COL28A1: variants seen among roughly 807,000 people sequenced by gnomAD.
COL28A1 encodes the protein collagen type XXVIII alpha 1 chain, also known as collagen alpha-1(XXVIII) chain.
In COL28A1, 161 loss-of-function variants were observed where a neutral mutation model predicts 150.2. That is an observed-to-expected ratio of 1.07 (90% CI 0.94 to 1.22). The LOEUF (loss-of-function observed/expected upper bound fraction) is 1.22. COL28A1 is among the 50% of genes most tolerant of loss of function. The pLI, the probability that COL28A1 is intolerant of heterozygous loss-of-function variation, is 0.00. For missense variants in COL28A1, 1,617 were observed against 1,388.3 expected, an observed-to-expected ratio of 1.16 and a Z score of -2.62; for synonymous variants, 552 against 469.7, an observed-to-expected ratio of 1.18 and a Z score of -2.26.
At chr7:7,430,759 T>A (rs1346988171) in intron 25 of COL28A1, among the ~76,000 whole-genome samples, 1 of 152,214 alleles carries the variant, frequency 6.6e-6, no homozygotes, top group African/African-American at 2.4e-5. Context: ...CTATTTTTTT[T>A]AATTTTAGGA....
rs750509334 is a variant in COL28A1, at chr7:7,453,464, T to A, written c.1416A>T (p.Ala472=). Residue 472 remains alanine, a synonymous_variant, in exon 17 of 35, where the codon GCA becomes GCT. Transcript: ENST00000399429. ...CCTTGGAACCAGGTAAGCCCTGTCC[T>A]GCGGGCCCTTGTGGACCAGGTGGAC... ...PIGPPGPQGP[A]GQGLPGSKGE... 1 of 1,298,880 alleles carries A rather than the reference T, an allele frequency of 7.7e-7. No individual in the cohort carries two copies. The highest frequency in any genetic ancestry group is 1.1e-6 in the Non-Finnish European group (1 of 893,778). 80.5% of individuals were successfully genotyped at this position (1,298,880 alleles called of 1,614,324 possible). A position where few individuals can be genotyped will look rare whatever the true frequency, so the allele number is the denominator to read the frequency against.
intron 33 of COL28A1, among the ~76,000 whole-genome samples, chr7:7,369,304 C>T (rs895160925): frequency 6.6e-6 from 1 of 152,196 alleles, no homozygotes; most frequent in African/African-American, 2.4e-5. Context: ...GTTGGCAAAC[C>T]ACTGTGGGCC....
At chr7:7,488,559 A>G (rs188341678) in intron 13 of COL28A1, among the ~76,000 whole-genome samples, 4 of 152,324 alleles carry the variant, frequency 2.6e-5, no homozygotes, top group Admixed American at 2.0e-4. Context: ...GAATAATCAT[A>G]TTTTATTCAC....
In COL28A1 at chr7:7,531,689, G is replaced by C; in HGVS notation, c.340C>G (p.Leu114Val). Residue 114 changes from leucine (L) to valine (V), a missense_variant, in exon 3 of 35, where the codon CTG (leucine) becomes GTG (valine). Coordinates refer to ENST00000399429, the MANE Select transcript of COL28A1 (RefSeq NM_001037763.3). The stretch of plus-strand genomic sequence containing the variant: ...TTGACCTTCTGCTTAAATGTCTGCA[G>C]GTCCTTCCAGGAAGAAAAAGGTGGA... ...IDPPFSSWKD[L>V]QTFKQKVKSM... 6.3e-7 allele frequency: 1 copy of C among 1,590,536 alleles called. No homozygotes were observed. The highest frequency in any genetic ancestry group is 8.6e-7 in the Non-Finnish European group (1 of 1,158,478).
chr7:7,402,850 C>T (rs1158215250), intron 27 of COL28A1, among the ~76,000 whole-genome samples: 1 of 152,148 alleles, frequency 6.6e-6, no homozygotes, highest in Non-Finnish European at 1.5e-5. Context: ...CATAGATGCT[C>T]ATTAATATTT....
At chr7:7,413,088 C>T (rs1449293651) in intron 27 of COL28A1, among the ~76,000 whole-genome samples, 1 of 152,050 alleles carries the variant, frequency 6.6e-6, no homozygotes, top group Non-Finnish European at 1.5e-5. Context: ...TCTGTTAGGC[C>T]TGTGACTGTG....
chr7:7,407,827 T>C (rs1783571502), intron 27 of COL28A1, among the ~76,000 whole-genome samples: 1 of 152,082 alleles, frequency 6.6e-6, no homozygotes, highest in African/African-American at 2.4e-5. Context: ...AAAAACTGAT[T>C]AAAATGTAAA....
chr7:7,482,011 C>T (rs756213469), intron 13 of COL28A1, among the ~76,000 whole-genome samples: 9 of 151,956 alleles, frequency 5.9e-5, no homozygotes, highest in Non-Finnish European at 1.0e-4. Context: ...TAGTGGTAAT[C>T]ACATAAAGAT....
At chr7:7,485,224 G>A (rs1779560755) in intron 13 of COL28A1, among the ~76,000 whole-genome samples, 1 of 151,966 alleles carries the variant, frequency 6.6e-6, no homozygotes, top group African/African-American at 2.4e-5. Flanking sequence ...CACATATATA[G>A]ATATATACAT....
At chr7:7,514,614 T>C (rs1781321012) in intron 8 of COL28A1, among the ~76,000 whole-genome samples, 2 of 152,206 alleles carry the variant, frequency 1.3e-5, no homozygotes, top group African/African-American at 4.8e-5. Flanking sequence ...GTCTAAATAG[T>C]TGAAAGTTAT....
chr7:7,492,625 TGACCAATTGCGAAA>T (rs1431632322), intron 11 of COL28A1, among the ~76,000 whole-genome samples: 2 of 146,360 alleles, frequency 1.4e-5, no homozygotes, highest in Non-Finnish European at 3.0e-5. Flanking sequence ...CTGTTGACTT[TGACCAATTGCGAAA>T]GAGAACCAGA....
Position 7,532,758 on chromosome 7 carries a change from C to A in COL28A1, c.118G>T (p.Val40Phe). 6.2e-7 allele frequency: 1 copy of A among 1,604,398 alleles called. No homozygotes were observed. Among genetic ancestry groups the A allele is most frequent in the Non-Finnish European group, 8.5e-7 (1 of 1,177,126 alleles). Residue 40 changes from valine (V) to phenylalanine (F), a missense_variant, in exon 2 of 35, where the codon GTC becomes TTC. Coordinates refer to ENST00000399429, the MANE Select transcript of COL28A1 (RefSeq NM_001037763.3). ...ACAATTTTTTTTTTTTTACCCTGGA[C>A]ATCACTTTTCCTTGCAAGCAAATTT... ...KSNLLARKSD[V>F]QGSICFIDIV...
chr7:7,354,365 G>A (rs1243959246), downstream of COL28A1, among the ~76,000 whole-genome samples: 1 of 152,124 alleles, frequency 6.6e-6, no homozygotes, highest in Non-Finnish European at 1.5e-5. Context: ...CAGACCACAG[G>A]AGCAGGTTCA....
intron 27 of COL28A1, among the ~76,000 whole-genome samples, chr7:7,409,876 C>G (rs908329696): frequency 1.1e-4 from 16 of 152,002 alleles, no homozygotes; most frequent in Non-Finnish European, 1.6e-4. Context: ...GAAATATAAG[C>G]CGGTAATAAT....
the COL28A1 span, among the ~76,000 whole-genome samples, chr7:7,350,378 G>C: frequency 8.4e-4 from 128 of 152,238 alleles, no homozygotes; most frequent in African/African-American, 2.9e-3. Context: ...TGGAGAGTGA[G>C]ACAAGACATA....
intron 27 of COL28A1, among the ~76,000 whole-genome samples, chr7:7,398,898 C>T (rs12702612): frequency 0.15 from 23,564 of 152,084 alleles, 2,505 homozygotes; most frequent in African/African-American, 0.3. Flanking sequence ...TTAACTACTC[C>T]GATGCCTCCG....
intron 27 of COL28A1, among the ~76,000 whole-genome samples, chr7:7,392,983 C>A (rs1034664748): frequency 6.6e-6 from 1 of 151,984 alleles, no homozygotes; most frequent in South Asian, 2.1e-4. Flanking sequence ...TCTGTCAATT[C>A]GTTAAATTCA....
chr7:7,486,518 T>G (rs956050004), intron 13 of COL28A1, among the ~76,000 whole-genome samples: 1 of 152,216 alleles, frequency 6.6e-6, no homozygotes, highest in African/African-American at 2.4e-5. Context: ...TTGTTCCTGA[T>G]CTTAGAGGGA....
intron 18 of COL28A1, among the ~76,000 whole-genome samples, chr7:7,449,760 T>C (rs1423633286): frequency 6.6e-6 from 1 of 151,962 alleles, no homozygotes; most frequent in Non-Finnish European, 1.5e-5. Flanking sequence ...AAATTCACAA[T>C]TATAAAAATT....
Sources: allele counts gnomAD v4.1 joint callset (sites outside exome capture counted in the v4.1 genomes callset), GRCh38; gene constraint gnomAD v4.1.1; transcripts MANE v1.5; gene names NCBI Gene and HGNC (gene_info 2026-07-23, HGNC 2026-07-21).